Variants in PPARD observed in about 807,000 individuals in gnomAD.
The protein encoded by PPARD is peroxisome proliferator activated receptor delta.
Under a neutral mutation model 39.5 loss-of-function variants are expected in PPARD, and 6 were observed. The ratio of observed to expected loss-of-function variants is 0.15; its 90% CI spans 0.08 to 0.30. The LOEUF is 0.30. Ranked by LOEUF, PPARD falls within the 10% of genes least tolerant of loss-of-function variation. The pLI is 1.00. For synonymous variants in PPARD, 210 were observed against 231.3 expected (o/e 0.91, Z 0.83); for missense variants, 397 against 596.8 (o/e 0.67, Z 3.49).
intron 2 of PPARD, among the ~76,000 whole-genome samples, chr6:35,396,464 A>G (rs1764321971): frequency 6.7e-6 from 1 of 148,454 alleles, no homozygotes; most frequent in South Asian, 2.2e-4. Context: ...TCGGCCTCCC[A>G]AAGTGCTGGG....
In PPARD at chr6:35,420,262, A is replaced by G. The variant is rs1766056889; in HGVS notation, c.266A>G (p.His89Arg). 4 of 1,588,400 alleles carry G rather than the reference A, an allele frequency of 2.5e-6. No individual in the cohort carries two copies. The South Asian group carries it at 3.5e-5, about 14-fold the overall frequency. ...GCATCGGGCTTCCACTACGGTGTTC[A>G]TGCATGTGAGGGGTGCAAGGTACGG... ...DKASGFHYGV[H>R]ACEGCKGFFR... The change falls in exon 4 of 8, where the codon CAT becomes CGT. Residue 89 changes from histidine to arginine, a missense_variant. By Grantham distance (29) the His-to-Arg change is conservative. Coordinates refer to ENST00000360694, the MANE Select transcript of PPARD (RefSeq NM_006238.5).
At chr6:35,397,638 C>G in intron 2 of PPARD, 1 of 772,852 alleles carries the variant, frequency 1.3e-6, no homozygotes, top group Non-Finnish European at 1.6e-6. Flanking sequence ...CCAGTTGCTC[C>G]TCTGATACTT....
chr6:35,415,191 CA>C (rs949023329), intron 3 of PPARD, among the ~76,000 whole-genome samples: 2 of 152,212 alleles, frequency 1.3e-5, no homozygotes, highest in African/African-American at 4.8e-5. Flanking sequence ...GCTGGCCATA[CA>C]GTGGTGGACA....
intron 2 of PPARD, among the ~76,000 whole-genome samples, chr6:35,355,899 C>T (rs1761585082): frequency 6.6e-6 from 1 of 151,814 alleles, no homozygotes; most frequent in African/African-American, 2.4e-5. Flanking sequence ...TCATGAGCCA[C>T]GATGCCCGAC....
At chr6:35,416,784 G>A (rs940858926) in intron 3 of PPARD, among the ~76,000 whole-genome samples, 5 of 152,172 alleles carry the variant, frequency 3.3e-5, no homozygotes, top group African/African-American at 7.2e-5. Context: ...AGTCACATGC[G>A]TGAGTGATGG....
chr6:35,406,458 A>G (rs771424786), intron 2 of PPARD, among the ~76,000 whole-genome samples: 64 of 152,202 alleles, frequency 4.2e-4, no homozygotes, highest in Non-Finnish European at 3.5e-4. Context: ...AGATGGAGCA[A>G]GGAGGCCATA....
At chr6:35,347,588 T>TAC (rs1166982336) in intron 2 of PPARD, among the ~76,000 whole-genome samples, 1 of 151,376 alleles carries the variant, frequency 6.6e-6, no homozygotes, top group Non-Finnish European at 1.5e-5. Context: ...GGGGCAAATA[T>TAC]ATATATATAT....
intron 2 of PPARD, among the ~76,000 whole-genome samples, chr6:35,388,366 A>G (rs3777744): frequency 0.28 from 42,921 of 152,064 alleles, 11,310 homozygotes; most frequent in African/African-American, 0.69. Context: ...CCGCGGGGGC[A>G]GGAAGGGGAG....
intron 2 of PPARD, among the ~76,000 whole-genome samples, chr6:35,367,914 C>T (rs112464836): frequency 0.047 from 7,208 of 152,282 alleles, 394 homozygotes; most frequent in African/African-American, 0.14. Flanking sequence ...GGGAACTAGA[C>T]GCCACCTCTT....
chr6:35,395,377 A>T (rs749098758), intron 2 of PPARD, among the ~76,000 whole-genome samples: 2 of 152,222 alleles, frequency 1.3e-5, no homozygotes, highest in Non-Finnish European at 2.9e-5. Context: ...TTCCGTAAGC[A>T]CAGGAAGGCC....
intron 1 of PPARD, among the ~76,000 whole-genome samples, chr6:35,345,035 T>A (rs1792089888): frequency 6.6e-6 from 1 of 152,324 alleles, no homozygotes; most frequent in East Asian, 1.9e-4. Flanking sequence ...GACTCCTCCT[T>A]ACTCTTTTGA....
At chr6:35,346,977 T>G in intron 1 of PPARD, 90 bp from the exon 2 acceptor site, 6 of 737,330 alleles carry the variant, frequency 8.1e-6, no homozygotes, top group Non-Finnish European at 1.1e-5. Context: ...GAACACTCTT[T>G]GAGTTACGGT....
intron 2 of PPARD, among the ~76,000 whole-genome samples, chr6:35,385,383 CGGATTAA>C (rs1763564096): frequency 6.7e-6 from 1 of 148,364 alleles, no homozygotes; most frequent in African/African-American, 2.5e-5. Context: ...CAGGGTTAAA[CGGATTAA>C]GGGCGGTGCA....
At chr6:35,342,974 G>A (rs984519125) in intron 1 of PPARD, among the ~76,000 whole-genome samples, 3 of 146,676 alleles carry the variant, frequency 2.0e-5, no homozygotes, top group Non-Finnish European at 4.5e-5. Context: ...CCTACTCTTT[G>A]CCCCCTCTTG....
intron 2 of PPARD, among the ~76,000 whole-genome samples, chr6:35,395,401 A>G (rs1764256269): frequency 6.6e-6 from 1 of 152,228 alleles, no homozygotes; most frequent in South Asian, 2.1e-4. Flanking sequence ...CTTGATGTTC[A>G]GGCAGTGATG....
intron 2 of PPARD, among the ~76,000 whole-genome samples, chr6:35,405,449 G>A (rs73413734): frequency 2.6e-5 from 4 of 152,114 alleles, no homozygotes; most frequent in African/African-American, 9.6e-5. Flanking sequence ...GTTGTCTGGG[G>A]GTCTGAAGCT....
rs1241155320 is a variant in PPARD at position 35,426,710 on chromosome 6, G to T, written c.*631G>T. The T allele has an allele frequency of 6.5e-6, 1 of 153,278 alleles. No individual in the cohort carries two copies. The highest frequency in any genetic ancestry group is 1.5e-5 in the Non-Finnish European group (1 of 68,696). The allele number at this position is 153,278 out of a possible 1,614,324, so 9.5% of individuals were successfully genotyped here. A position where few individuals can be genotyped will look rare whatever the true frequency, so the allele number is the denominator to read the frequency against. ...CCCTGCTGCAAAGGACAGTGGGCAG[G>T]AGGCCCCAGGCTGAGAGCCAGATGC... On this transcript the variant is annotated 3_prime_UTR_variant, in exon 8 of 8. Coordinates refer to ENST00000360694, the MANE Select transcript of PPARD (RefSeq NM_006238.5).
chr6:35,348,608 C>T, intron 2 of PPARD: 1 of 985,426 alleles, frequency 1.0e-6, no homozygotes, highest in Non-Finnish European at 1.2e-6. Flanking sequence ...TGTTTGTGGG[C>T]TTCACTTCCC....
At chr6:35,358,714 C>G (rs533792916) in intron 2 of PPARD, among the ~76,000 whole-genome samples, 1 of 152,376 alleles carries the variant, frequency 6.6e-6, no homozygotes, top group East Asian at 1.9e-4. Flanking sequence ...TCAGTGATAT[C>G]ATGAACAAAG....
Sources: gnomAD v4.1 joint callset for allele counts (sites outside exome capture counted in the v4.1 genomes callset) on GRCh38, gnomAD v4.1.1 for gene constraint, MANE v1.5 for transcripts, NCBI Gene and HGNC (gene_info 2026-07-23, HGNC 2026-07-21) for gene names.